GRID1: variants seen among roughly 807,000 people sequenced by gnomAD.
The protein encoded by GRID1 is glutamate receptor ionotropic, delta-1.
A neutral mutation model predicts 98.0 loss-of-function variants in GRID1; 28 were observed. That is an observed-to-expected ratio of 0.29 (90% confidence interval 0.21 to 0.39). The LOEUF is 0.39. Ranked by LOEUF, GRID1 falls within the 10% of genes least tolerant of loss-of-function variation. The pLI is 1.00. For missense variants in GRID1, 1,111 were observed against 1,340.5 expected (o/e 0.83, Z 2.67); for synonymous variants, 553 against 538.5 (o/e 1.03, Z -0.37).
At chr10:85,661,169 ATTT>A (rs1261011218) in intron 12 of GRID1, among the ~76,000 whole-genome samples, 2 of 137,128 alleles carry the variant, frequency 1.5e-5, no homozygotes. Context: ...TTGAATCTGC[ATTT>A]TTTTTTTTTT....
At chr10:86,219,110 G>C (rs1846215997) in intron 2 of GRID1, among the ~76,000 whole-genome samples, 1 of 152,234 alleles carries the variant, frequency 6.6e-6, no homozygotes, top group Admixed American at 6.5e-5. Flanking sequence ...TGCCTGGGCA[G>C]TTCAGGTGGG....
chr10:85,746,536 T>C (rs2132680464), intron 8 of GRID1, among the ~76,000 whole-genome samples: 1 of 152,324 alleles, frequency 6.6e-6, no homozygotes, highest in Admixed American at 6.5e-5. Flanking sequence ...GTCTACATTC[T>C]AAATGGCCTT....
At chr10:85,900,190 T>C (rs961064205) in intron 5 of GRID1, among the ~76,000 whole-genome samples, 2 of 152,356 alleles carry the variant, frequency 1.3e-5, no homozygotes, top group Admixed American at 1.3e-4. Flanking sequence ...CAGGGGCCTG[T>C]AATTTCCCAT....
At chr10:85,960,784 T>A (rs1176168615) in intron 4 of GRID1, among the ~76,000 whole-genome samples, 1 of 152,240 alleles carries the variant, frequency 6.6e-6, no homozygotes, top group Non-Finnish European at 1.5e-5. Flanking sequence ...CCAGCCTTGC[T>A]GGAATTGGAG....
chr10:85,917,220 G>C (rs768802803), intron 4 of GRID1, among the ~76,000 whole-genome samples: 1 of 152,048 alleles, frequency 6.6e-6, no homozygotes, highest in African/African-American at 2.4e-5. Context: ...GAGCCAGGCT[G>C]ACTATGAACC....
At chr10:85,859,511 T>A (rs1843145545) in intron 6 of GRID1, among the ~76,000 whole-genome samples, 1 of 152,184 alleles carries the variant, frequency 6.6e-6, no homozygotes, top group Non-Finnish European at 1.5e-5. Flanking sequence ...AGAGAAATTA[T>A]AGAAAATGGA....
intron 5 of GRID1, among the ~76,000 whole-genome samples, chr10:85,880,414 C>T (rs1206898059): frequency 3.9e-5 from 6 of 152,204 alleles, no homozygotes; most frequent in Non-Finnish European, 7.3e-5. Context: ...CATCAAAAAG[C>T]TTGTCCACCA....
chr10:85,826,266 C>T (rs186120778), intron 8 of GRID1, among the ~76,000 whole-genome samples: 155 of 152,290 alleles, frequency 1.0e-3, no homozygotes, highest in African/African-American at 3.0e-3. Flanking sequence ...ACCCTGGAGG[C>T]GAAGGTTGCG....
chr10:85,904,507 G>T (rs895445288), intron 5 of GRID1, among the ~76,000 whole-genome samples: 3 of 152,114 alleles, frequency 2.0e-5, no homozygotes, highest in African/African-American at 7.2e-5. Flanking sequence ...CACAGAGAGA[G>T]AAAAATGTGG....
chr10:86,207,952 G>A (rs994965629), intron 2 of GRID1, among the ~76,000 whole-genome samples: 1 of 152,204 alleles, frequency 6.6e-6, no homozygotes, highest in Admixed American at 6.5e-5. Flanking sequence ...TCAAAACACA[G>A]GCTGTGAATG....
chr10:85,681,818 G>C (rs1002500514), intron 12 of GRID1, among the ~76,000 whole-genome samples: 1 of 152,080 alleles, frequency 6.6e-6, no homozygotes, highest in African/African-American at 2.4e-5. Context: ...ACAGTATATG[G>C]CCTGCCCTCC....
At chr10:86,035,454 G>A (rs901013973) in intron 4 of GRID1, among the ~76,000 whole-genome samples, 1 of 152,206 alleles carries the variant, frequency 6.6e-6, no homozygotes, top group Non-Finnish European at 1.5e-5. Context: ...AGCATGGATG[G>A]TAGAGAGTGT....
intron 2 of GRID1, among the ~76,000 whole-genome samples, chr10:86,323,002 G>A (rs1847992662): frequency 6.6e-6 from 1 of 151,982 alleles, no homozygotes; most frequent in African/African-American, 2.4e-5. Flanking sequence ...TGCCGAGGCA[G>A]GAGAATCACT....
At chr10:86,114,522 G>A (rs1426992590) in intron 4 of GRID1, among the ~76,000 whole-genome samples, 1 of 152,156 alleles carries the variant, frequency 6.6e-6, no homozygotes, top group African/African-American at 2.4e-5. Context: ...TCTGGGAGAT[G>A]CTGGGAGTTG....
chr10:86,152,463 G>A (rs1845182394), intron 3 of GRID1, among the ~76,000 whole-genome samples: 1 of 152,268 alleles, frequency 6.6e-6, no homozygotes, highest in Non-Finnish European at 1.5e-5. Flanking sequence ...CTGCACTGGA[G>A]TGAGCCCTGA....
intron 8 of GRID1, among the ~76,000 whole-genome samples, chr10:85,839,823 G>C (rs1309584775): frequency 6.6e-6 from 1 of 151,936 alleles, no homozygotes; most frequent in Non-Finnish European, 1.5e-5. Flanking sequence ...CCAGGAGCTG[G>C]TTTTGTGAAA....
intron 2 of GRID1, among the ~76,000 whole-genome samples, chr10:86,278,075 A>G (rs1244954804): frequency 6.6e-6 from 1 of 152,126 alleles, no homozygotes; most frequent in African/African-American, 2.4e-5. Context: ...ATCAATAACT[A>G]CTTTAAATGT....
chr10:85,818,177 G>A (rs1842732712), intron 8 of GRID1, among the ~76,000 whole-genome samples: 1 of 152,208 alleles, frequency 6.6e-6, no homozygotes, highest in Non-Finnish European at 1.5e-5. Context: ...GTCAAAGAGT[G>A]AAGTAACAAA....
chr10:86,210,057 G>A (rs970436210), intron 2 of GRID1, among the ~76,000 whole-genome samples: 3 of 152,166 alleles, frequency 2.0e-5, no homozygotes, highest in Non-Finnish European at 2.9e-5. Context: ...GAGGAGCTTA[G>A]GATCCACTGA....
Sources: allele counts gnomAD v4.1 joint callset (sites outside exome capture counted in the v4.1 genomes callset), GRCh38; gene constraint gnomAD v4.1.1; transcripts MANE v1.5; gene names NCBI Gene and HGNC (gene_info 2026-07-23, HGNC 2026-07-21).